The following HEG1 variants were observed in gnomAD, a reference collection of about 807,000 sequenced individuals.
HEG1 encodes protein HEG homolog 1.
HEG1 carries 56 observed loss-of-function variants against 125.6 expected under a neutral mutation model. That is an observed-to-expected ratio of 0.45 (90% confidence interval 0.36 to 0.56). The LOEUF is 0.56. HEG1 is among the 20% of genes least tolerant of loss of function. The pLI is 0.00. For missense variants in HEG1, 1,523 were observed against 1,670.0 expected (o/e 0.91, Z 1.53); for synonymous variants, 644 against 668.5 (o/e 0.96, Z 0.57).
chr3:124,975,166 TC>T (rs1344642448), intron 15 of HEG1, among the ~76,000 whole-genome samples: 1 of 152,232 alleles, frequency 6.6e-6, no homozygotes, highest in African/African-American at 2.4e-5. Flanking sequence ...AGGGCTGCAT[TC>T]CTAGTTGGGC....
intron 1 of HEG1, among the ~76,000 whole-genome samples, chr3:125,033,721 C>T (rs1937519938): frequency 6.6e-6 from 1 of 152,176 alleles, no homozygotes; most frequent in Non-Finnish European, 1.5e-5. Context: ...AGGACATGGA[C>T]TGGTAGCGGT....
intron 8 of HEG1, among the ~76,000 whole-genome samples, chr3:125,006,307 C>A (rs1391604354): frequency 6.6e-6 from 1 of 152,216 alleles, no homozygotes; most frequent in African/African-American, 2.4e-5. Context: ...CAGTTAACAT[C>A]AATTTGTGCT....
intron 1 of HEG1, among the ~76,000 whole-genome samples, chr3:125,049,953 A>G (rs887756487): frequency 5.3e-5 from 8 of 152,184 alleles, no homozygotes; most frequent in Admixed American, 4.6e-4. Context: ...ACAGGCCTCT[A>G]AAGCCCTCCA....
rs1226134114 is a variant in HEG1, at chr3:124,966,580, T to C, written c.*4072A>G. On this transcript the variant is annotated 3_prime_UTR_variant, in exon 17 of 17. Coordinates refer to ENST00000311127, the MANE Select transcript of HEG1 (RefSeq NM_020733.2). ...TGTCCCTTCTCATCCACACAAAAGCTTTCAGACAGGAAAAAAAAGATGCTA... is the reference window on the plus strand; with the variant it reads ...TGTCCCTTCTCATCCACACAAAAGCCTTCAGACAGGAAAAAAAAGATGCTA... The C allele has an allele frequency of 1.3e-5, 2 of 152,152 alleles. No homozygotes were observed. The highest frequency in any genetic ancestry group is 4.8e-5 in the African/African-American group (2 of 41,438). The allele number at this position is 152,152 out of a possible 1,614,324, so 9.4% of individuals were successfully genotyped here. A position where few individuals can be genotyped will look rare whatever the true frequency, so the allele number is the denominator to read the frequency against.
At chr3:125,019,790 C>CA (rs1937309138) in intron 4 of HEG1, among the ~76,000 whole-genome samples, 193 bp from the exon 5 acceptor site, 1 of 152,014 alleles carries the variant, frequency 6.6e-6, no homozygotes, top group Admixed American at 6.6e-5. Context: ...GAGAGTAATA[C>CA]AAAAAAATAT....
intron 15 of HEG1, among the ~76,000 whole-genome samples, chr3:124,977,554 G>C (rs1025008532): frequency 6.6e-6 from 1 of 152,160 alleles, no homozygotes; most frequent in Non-Finnish European, 1.5e-5. Context: ...TTTCTTGATA[G>C]TGTCCTTTGG....
At chr3:125,039,219 G>A (rs576291062) in intron 1 of HEG1, among the ~76,000 whole-genome samples, 5 of 151,782 alleles carry the variant, frequency 3.3e-5, no homozygotes, top group South Asian at 2.1e-4. Context: ...CTTCTGTAGC[G>A]TCTTAATGTT....
chr3:125,024,285 T>A lies in HEG1; in HGVS notation c.913+2920A>T, dbSNP rs1440356711. 2.6e-5 allele frequency among the ~76,000 whole-genome samples: 4 copies of A among 152,230 alleles called. No individual in the cohort carries two copies. In the South Asian group the frequency reaches 8.3e-4, roughly 32 times the overall value. ...TACTGCCCCCAAACACTTATGCCTA[T>A]GGATGAAATTGTATGCTTACTTTAT... On this transcript the variant is annotated intron_variant, in intron 3 of 16. Coordinates refer to ENST00000311127, the MANE Select transcript of HEG1 (RefSeq NM_020733.2).
chr3:125,034,428 A>G (rs367917326), intron 1 of HEG1, among the ~76,000 whole-genome samples: 1,825 of 114,414 alleles, frequency 0.016, 31 homozygotes, highest in African/African-American at 0.049. Flanking sequence ...TGGAAATTCT[A>G]GAAATAAAAA....
At chr3:125,014,224 C>T (rs527266672) in intron 5 of HEG1, among the ~76,000 whole-genome samples, 21 of 152,072 alleles carry the variant, frequency 1.4e-4, no homozygotes, top group South Asian at 4.2e-4. Context: ...GCAGTGGTAG[C>T]GGCAGTGGAA....
intron 12 of HEG1, among the ~76,000 whole-genome samples, chr3:124,995,612 A>C (rs1263492563): frequency 1.3e-5 from 2 of 152,222 alleles, no homozygotes; most frequent in African/African-American, 4.8e-5. Flanking sequence ...AGAAGATGTC[A>C]CTGCTAACCC....
chr3:125,013,901 T>C lies in HEG1; in HGVS notation c.1678A>G (p.Thr560Ala). Residue 560 changes from threonine (T) to alanine (A), a missense_variant, in exon 6 of 17, where the codon ACT (threonine) becomes GCT (alanine). Transcript: ENST00000311127. The stretch of plus-strand genomic sequence containing the variant: ...AACGCCCGTTCTCCTTTGGTGAAAG[T>C]AGATGACAGGTAGGTGTGGTCTGTG... The part of the protein sequence containing the change: ...DHTDHTYLSS[T>A]FTKGERALLS... 3 of 1,613,876 alleles carry C rather than the reference T, an allele frequency of 1.9e-6. No individual in the cohort carries two copies. The highest frequency in any genetic ancestry group is 2.2e-5 in the South Asian group (2 of 91,044).
rs756468436 is a variant in HEG1, at chr3:125,020,991, T to C, written c.1053A>G (p.Gly351=). The stretch of plus-strand genomic sequence containing the variant: ...GGAAGCCTTCTGTCTTGCTCACAGG[T>C]CCCAGACTGACCGTCAAAGATCGCA... ...RTLRSLTVSL[G]PVSKTEGFPK... is the part of the protein sequence containing the mutation. The change falls in exon 4 of 17, where the codon GGA becomes GGG. Residue 351 remains glycine (G), a synonymous_variant. Coordinates refer to ENST00000311127, the MANE Select transcript of HEG1 (RefSeq NM_020733.2). 1.9e-6 allele frequency: 3 copies of C among 1,613,868 alleles called. No homozygotes were observed. The highest frequency in any genetic ancestry group is 2.5e-6 in the Non-Finnish European group (3 of 1,179,870).
intron 4 of HEG1, 23 bp downstream of exon 4, chr3:125,020,769 T>G: frequency 6.4e-7 from 1 of 1,572,646 alleles, no homozygotes; most frequent in Non-Finnish European, 8.7e-7. Context: ...CCCTAATAGA[T>G]CAAGTAAAGA....
intron 7 of HEG1, among the ~76,000 whole-genome samples, 187 bp downstream of exon 7, chr3:125,010,252 G>C (rs1937137307): frequency 6.6e-6 from 1 of 152,320 alleles, no homozygotes. Context: ...CAGGAAGTCT[G>C]GCAGTGCCAC....
intron 8 of HEG1, among the ~76,000 whole-genome samples, chr3:125,006,927 C>T (rs925167935): frequency 1.1e-4 from 16 of 152,166 alleles, no homozygotes; most frequent in Non-Finnish European, 2.2e-4. Context: ...AGGCCGGGCG[C>T]GGTGGCTCAC....
At chr3:124,986,819 G>C (rs577768737) in intron 14 of HEG1, among the ~76,000 whole-genome samples, 1 of 152,124 alleles carries the variant, frequency 6.6e-6, no homozygotes, top group Non-Finnish European at 1.5e-5. Flanking sequence ...TAATGGAGAG[G>C]ACTTGACTTT....
Position 125,012,678 on chromosome 3 carries a change from G to C in HEG1, c.2901C>G (p.Thr967=). ...TAEDLAPKSA[T]FAVQSSTQSP... The stretch of plus-strand genomic sequence containing the variant: ...ACTGTGTGCTGCTCTGAACAGCAAA[G>C]GTGGCAGATTTGGGAGCCAAGTCTT... The change falls in exon 6 of 17, where the codon ACC becomes ACG. Residue 967 remains threonine (T), a synonymous_variant. Transcript: ENST00000311127. The C allele has an allele frequency of 6.2e-7, 1 of 1,613,924 alleles. No individual in the cohort carries two copies. The highest frequency in any genetic ancestry group is 1.3e-5 in the African/African-American group (1 of 75,056).
At chr3:124,971,177 G>A (rs1469065372) in intron 16 of HEG1, 1 of 464,784 alleles carries the variant, frequency 2.2e-6, no homozygotes, top group Non-Finnish European at 4.3e-6. Context: ...ACTTTGAGGA[G>A]GCCTTCAAAG....
Sources: gnomAD v4.1 joint callset for allele counts (sites outside exome capture counted in the v4.1 genomes callset) on GRCh38, gnomAD v4.1.1 for gene constraint, MANE v1.5 for transcripts, NCBI Gene and HGNC (gene_info 2026-07-23, HGNC 2026-07-21) for gene names.